TMEM33: variants seen among roughly 807,000 people sequenced by gnomAD.
TMEM33 encodes the protein transmembrane protein 33.
In TMEM33, 16 loss-of-function variants were observed where a neutral mutation model predicts 29.7. That is an observed-to-expected ratio of 0.54 (90% confidence interval 0.36 to 0.82). TMEM33 has a LOEUF of 0.82. Among genes scored for constraint, TMEM33 ranks in the 40% least tolerant of loss-of-function variants. The pLI is 0.00. For missense variants in TMEM33, 252 were observed against 295.3 expected (o/e 0.85, Z 1.08); for synonymous variants, 112 against 109.4 (o/e 1.02, Z -0.15).
chr4:41,949,105 A>T (rs1222179772), intron 5 of TMEM33, among the ~76,000 whole-genome samples, 197 bp from the exon 6 acceptor site: 1 of 152,102 alleles, frequency 6.6e-6, no homozygotes. Context: ...ATTAAACAAC[A>T]TTTTACTCTT....
chr4:41,935,421 C>A, upstream of TMEM33: 1 of 1,535,750 alleles, frequency 6.5e-7, no homozygotes. Context: ...CCAGCGCTGA[C>A]GTTTTCTCTC....
chr4:41,938,116 A>G (rs560257191), intron 1 of TMEM33, among the ~76,000 whole-genome samples: 142 of 152,346 alleles, frequency 9.3e-4, no homozygotes, highest in African/African-American at 3.1e-3. Flanking sequence ...CTTTAATCCC[A>G]ACTGGCTTTA....
At chr4:41,937,568 A>C (rs2039439661) in intron 1 of TMEM33, among the ~76,000 whole-genome samples, 1 of 152,000 alleles carries the variant, frequency 6.6e-6, no homozygotes, top group South Asian at 2.1e-4. Context: ...CCCATTAGTG[A>C]GTTGAGAAGT....
chr4:41,935,168 C>G (rs1289345156), upstream of TMEM33: 2 of 471,484 alleles, frequency 4.2e-6, no homozygotes, highest in Non-Finnish European at 7.6e-6. Context: ...CTGGAGCCGG[C>G]GGCGTAGGTT....
rs1047129254 is a variant in TMEM33, at chr4:41,959,621, G to C, written c.*5422G>C. On this transcript the variant is annotated 3_prime_UTR_variant, in exon 7 of 7. Coordinates refer to ENST00000504986, the MANE Select transcript of TMEM33 (RefSeq NM_018126.3). ...TTTGAAACTAACCTTTTCTTTCTTT[G>C]TTCATGACAGTTTAATTCCAAATAT... 5 of 152,062 alleles carry C rather than the reference G, an allele frequency of 3.3e-5. No homozygotes were observed. The highest frequency in any genetic ancestry group is 7.2e-5 in the African/African-American group (3 of 41,414). The allele number at this position is 152,062 out of a possible 1,614,324, so 9.4% of individuals were successfully genotyped here.
Position 41,944,886 on chromosome 4 carries a change from G to A in TMEM33, c.490G>A (p.Glu164Lys). The change falls in exon 5 of 7, where the codon GAA becomes AAA. Residue 164 changes from glutamate to lysine, a missense_variant. Coordinates refer to ENST00000504986, the MANE Select transcript of TMEM33 (RefSeq NM_018126.3). ...QNILKFIACN[E>K]IFLMPATVFM... ...TATTCTGAAATTCATTGCTTGCAAT[G>A]AAATATTCCTGATGCCTGCGACAGT... 1 of 1,613,384 alleles carries A rather than the reference G, an allele frequency of 6.2e-7. No individual in the cohort carries two copies. Among genetic ancestry groups the A allele is most frequent in the Non-Finnish European group, 8.5e-7 (1 of 1,179,798 alleles).
chr4:41,946,333 T>G (rs1712788102), intron 5 of TMEM33, among the ~76,000 whole-genome samples: 1 of 152,172 alleles, frequency 6.6e-6, no homozygotes, highest in Admixed American at 6.5e-5. Flanking sequence ...TTTTGTTAGT[T>G]TGTAACAAAT....
At chr4:41,946,574 A>G (rs1577652194) in intron 5 of TMEM33, among the ~76,000 whole-genome samples, 1 of 152,176 alleles carries the variant, frequency 6.6e-6, no homozygotes, top group Non-Finnish European at 1.5e-5. Flanking sequence ...GTATGGTCCC[A>G]ACTAGATTTG....
Position 41,954,225 on chromosome 4 carries a change from A to G in TMEM33, c.*26A>G, listed in dbSNP as rs773043452. ...TTTAACATCTAGTTAAGCTACAAAT[A>G]TAGTATAAGCATTATTAGCAGCTGG... is the stretch of plus-strand genomic sequence containing the variant. On this transcript the variant is annotated 3_prime_UTR_variant, in exon 7 of 7. Coordinates refer to ENST00000504986, the MANE Select transcript of TMEM33 (RefSeq NM_018126.3). 35 of 1,612,390 alleles carry G rather than the reference A, an allele frequency of 2.2e-5. No individual in the cohort carries two copies. The highest frequency in any genetic ancestry group is 3.0e-5 in the Non-Finnish European group (35 of 1,178,932).
At chr4:41,946,256 G>A (rs73153240) in intron 5 of TMEM33, among the ~76,000 whole-genome samples, 9,927 of 151,926 alleles carry the variant, frequency 0.065, 441 homozygotes, top group African/African-American at 0.12. Context: ...CAAGCTAGGT[G>A]CCTTTTGTGT....
chr4:41,944,129 C>T, intron 4 of TMEM33: 1 of 298,832 alleles, frequency 3.3e-6, no homozygotes. Context: ...ATCTCTTGTT[C>T]TGTCAGTGTT....
At chr4:41,937,544 AG>A (rs1238441026) in intron 1 of TMEM33, among the ~76,000 whole-genome samples, 1 of 152,102 alleles carries the variant, frequency 6.6e-6, no homozygotes, top group Admixed American at 6.5e-5. Flanking sequence ...CAGTGTTTTT[AG>A]ACTTCAGGTA....
intron 5 of TMEM33, among the ~76,000 whole-genome samples, chr4:41,947,065 G>A (rs554870403): frequency 6.6e-6 from 1 of 152,068 alleles, no homozygotes; most frequent in South Asian, 2.1e-4. Context: ...GTGAAACCCC[G>A]TCTCTACTAA....
chr4:41,953,991 A>G (rs1400375478), intron 6 of TMEM33, 79 bp from the exon 7 acceptor site: 24 of 1,549,700 alleles, frequency 1.5e-5, no homozygotes, highest in Non-Finnish European at 1.8e-5. Context: ...TGAAATATCT[A>G]TGGAGTACAA....
At chr4:41,944,687 A>G (rs1577650945) in intron 4 of TMEM33, 106 bp from the exon 5 acceptor site, 4 of 1,251,540 alleles carry the variant, frequency 3.2e-6, no homozygotes, top group South Asian at 2.8e-5. Context: ...CCAAAGTAGT[A>G]TATTTGGTTG....
rs746217017 is a variant in TMEM33, at chr4:41,943,736, GT to G, written c.329-7del. The stretch of plus-strand genomic sequence containing the variant: ...TGACTTTTAAATGTTTTCCTTAATT[GT>G]TTTCTTTAGTGAGTATCTTCCCAGT... On this transcript the variant is annotated splice_polypyrimidine_tract_variant and intron_variant, in intron 3 of 6. Transcript: ENST00000504986. 5 of 1,612,600 alleles carry G rather than the reference GT, an allele frequency of 3.1e-6. No homozygotes were observed. The highest frequency in any genetic ancestry group is 1.7e-5 in the Admixed American group (1 of 59,898).
Position 41,955,454 on chromosome 4 carries a change from GT to G in TMEM33, c.*1259del, listed in dbSNP as rs1713223930. 1 of 152,564 alleles carries G rather than the reference GT, an allele frequency of 6.6e-6. No individual in the cohort carries two copies. Among genetic ancestry groups the G allele is most frequent in the Non-Finnish European group, 1.5e-5 (1 of 68,036 alleles). The allele number at this position is 152,564 out of a possible 1,614,324, so 9.5% of individuals were successfully genotyped here. On this transcript the variant is annotated 3_prime_UTR_variant, in exon 7 of 7. Coordinates refer to ENST00000504986, the MANE Select transcript of TMEM33 (RefSeq NM_018126.3). ...TTGGAAATGTTTAAAACATTGTACAGTTTTAGTATAGAGAAATGTAATGGTT... is the reference window on the plus strand; with the variant it reads ...TTGGAAATGTTTAAAACATTGTACAGTTTAGTATAGAGAAATGTAATGGTT...
At chr4:41,935,195 A>C, upstream of TMEM33, 1 of 546,020 alleles carries the variant, frequency 1.8e-6, no homozygotes, top group East Asian at 3.2e-5. Flanking sequence ...TTAGGGCTTC[A>C]CCCCGAAGCT....
intron 1 of TMEM33, among the ~76,000 whole-genome samples, chr4:41,936,617 C>T (rs1157661237): frequency 6.6e-6 from 1 of 152,082 alleles, no homozygotes; most frequent in Non-Finnish European, 1.5e-5. Context: ...AGCATAGTCC[C>T]AGCTACTCAG....
Sources: gnomAD v4.1 joint callset for allele counts (sites outside exome capture counted in the v4.1 genomes callset) on GRCh38, gnomAD v4.1.1 for gene constraint, MANE v1.5 for transcripts, NCBI Gene and HGNC (gene_info 2026-07-23, HGNC 2026-07-21) for gene names.